The following ATP2C1 variants were observed in gnomAD, a reference collection of about 807,000 sequenced individuals.
ATP2C1 encodes the protein ATPase secretory pathway Ca2+ transporting 1, also known as calcium-transporting ATPase type 2C member 1.
A neutral mutation model predicts 120.5 loss-of-function variants in ATP2C1; 31 were observed. The ratio of observed to expected loss-of-function variants is 0.26; its 90% CI spans 0.19 to 0.35. The LOEUF (loss-of-function observed/expected upper bound fraction) is 0.35, where lower values mean the gene tolerates loss of function less well. Ranked by LOEUF, ATP2C1 falls within the 10% of genes least tolerant of loss-of-function variation. The probability of loss-of-function intolerance (pLI) is 1.00; values close to 1 mark genes in which losing one functional copy is unlikely to be tolerated. For synonymous variants in ATP2C1, 351 were observed against 358.7 expected (o/e 0.98, Z 0.24); for missense variants, 731 against 1,107.5 (o/e 0.66, Z 4.83).
chr3:130,883,749 A>C (rs1434328550), intron 1 of ATP2C1, among the ~76,000 whole-genome samples: 1 of 151,706 alleles, frequency 6.6e-6, no homozygotes, highest in Non-Finnish European at 1.5e-5. Context: ...GAGCTGCCGC[A>C]CCCAACCCTC....
At chr3:130,850,880 A>G in exon 1 of ATP2C1, 1 of 1,429,132 alleles carries the variant, frequency 7.0e-7, no homozygotes, top group Non-Finnish European at 9.1e-7. Context: ...CTCTCCATGC[A>G]ATTAGGAGAT....
intron 7 of ATP2C1, among the ~76,000 whole-genome samples, chr3:130,941,223 AGTGTGTGTGTGTGTGT>A (rs71774561): frequency 9.3e-4 from 135 of 144,426 alleles, no homozygotes; most frequent in African/African-American, 3.0e-3. Context: ...TGTATTTAAC[AGTGTGTGTGTGTGTGT>A]GTGTGTGTGT....
chr3:130,979,565 A>G (rs1055871459), intron 19 of ATP2C1, 146 bp downstream of exon 19: 3 of 921,330 alleles, frequency 3.3e-6, no homozygotes, highest in Admixed American at 2.5e-5. Flanking sequence ...CTCATGGTCT[A>G]TATAAAGTTG....
chr3:130,978,332 A>G (rs1168218144), intron 18 of ATP2C1, among the ~76,000 whole-genome samples: 1 of 151,928 alleles, frequency 6.6e-6, no homozygotes, highest in Non-Finnish European at 1.5e-5. Flanking sequence ...AAGAATGGAT[A>G]GTTTCTTTGG....
intron 17 of ATP2C1, among the ~76,000 whole-genome samples, chr3:130,972,649 A>T: frequency 8.3e-6 from 1 of 120,312 alleles, no homozygotes. Flanking sequence ...CAGTCCCCAG[A>T]GTGTTCTTCC....
At chr3:130,856,888 A>G (rs751472401) in intron 1 of ATP2C1, among the ~76,000 whole-genome samples, 1 of 152,250 alleles carries the variant, frequency 6.6e-6, no homozygotes, top group Non-Finnish European at 1.5e-5. Flanking sequence ...TGGAACAATA[A>G]GCATGTGGGA....
intron 5 of ATP2C1, among the ~76,000 whole-genome samples, chr3:130,937,089 T>G (rs1400710514): frequency 1.3e-5 from 2 of 152,222 alleles, no homozygotes; most frequent in East Asian, 3.8e-4. Flanking sequence ...ATTTTTTACA[T>G]GAGTTGATGA....
intron 20 of ATP2C1, 50 bp from the exon 21 acceptor site, chr3:130,992,901 T>G (rs2062420659): frequency 6.9e-7 from 1 of 1,445,736 alleles, no homozygotes; most frequent in Non-Finnish European, 9.7e-7. Context: ...TGGGTTATTC[T>G]GTAGAAATCT....
At chr3:130,862,832 C>T (rs995478507) in intron 1 of ATP2C1, among the ~76,000 whole-genome samples, 3 of 152,216 alleles carry the variant, frequency 2.0e-5, no homozygotes, top group African/African-American at 7.2e-5. Flanking sequence ...TTCTTTGAGC[C>T]AGATCCAAGA....
intron 14 of ATP2C1, among the ~76,000 whole-genome samples, chr3:130,965,769 G>A (rs16835460): frequency 0.12 from 18,743 of 151,898 alleles, 1,487 homozygotes; most frequent in East Asian, 0.39. Context: ...GTGGCCCTAT[G>A]TTATATGTTG....
At chr3:130,979,787 C>T (rs1311174292) in intron 19 of ATP2C1, among the ~76,000 whole-genome samples, 2 of 152,078 alleles carry the variant, frequency 1.3e-5, no homozygotes. Context: ...CAGACTTGTG[C>T]ATAATTTGGC....
rs1355551033 is a variant in ATP2C1, at chr3:130,970,796, GTC to G, written c.1413+1404_1413+1405del. On this transcript the variant is annotated intron_variant, in intron 17 of 27. Transcript: ENST00000510168. Reference sequence around the variant, plus strand: ...TTTTGCATGTGATACCTATGATTACGTCTCTATAGAAAACAGGAATGAAGGGA... The same window carrying G: ...TTTTGCATGTGATACCTATGATTACGTCTATAGAAAACAGGAATGAAGGGA... Among the ~76,000 whole-genome samples the G allele has an allele frequency of 2.0e-5, 3 of 151,978 alleles. No individual in the cohort carries two copies. The South Asian group carries it at 6.2e-4, about 32-fold the overall frequency.
At chr3:130,933,433 C>T (rs1444346334) in intron 4 of ATP2C1, among the ~76,000 whole-genome samples, 1 of 152,128 alleles carries the variant, frequency 6.6e-6, no homozygotes, top group Non-Finnish European at 1.5e-5. Context: ...CTTTAATGTA[C>T]ATTCTTAGTT....
At chr3:130,885,460 C>G (rs1445214777) in intron 1 of ATP2C1, among the ~76,000 whole-genome samples, 2 of 151,826 alleles carry the variant, frequency 1.3e-5, no homozygotes, top group African/African-American at 4.8e-5. Context: ...GTGATTTTCT[C>G]TGGTGGTATG....
chr3:131,001,719 A>G lies in ATP2C1; in HGVS notation c.*369A>G. ...TTTTTTTATTTTTAAATATTGTACT[A>G]TTTATGGTGGTGGGGCTTTCTTACT... On this transcript the variant is annotated 3_prime_UTR_variant, in exon 28 of 28. Coordinates refer to ENST00000510168, the MANE Select transcript of ATP2C1 (RefSeq NM_001378687.1). The G allele has an allele frequency of 1.0e-6, 1 of 971,408 alleles. No individual in the cohort carries two copies. Among genetic ancestry groups the G allele is most frequent in the Non-Finnish European group, 1.2e-6 (1 of 816,508 alleles). 60.2% of individuals were successfully genotyped at this position (971,408 alleles called of 1,614,324 possible). A position where few individuals can be genotyped will look rare whatever the true frequency, so the allele number is the denominator to read the frequency against.
intron 2 of ATP2C1, among the ~76,000 whole-genome samples, chr3:130,902,713 C>T (rs923002022): frequency 6.6e-6 from 1 of 151,618 alleles, no homozygotes; most frequent in Non-Finnish European, 1.5e-5. Context: ...CTAACTAGAC[C>T]CCCCCCGAAG....
chr3:130,882,951 G>T (rs1450362475), intron 1 of ATP2C1, among the ~76,000 whole-genome samples: 9 of 152,144 alleles, frequency 5.9e-5, no homozygotes, highest in Non-Finnish European at 1.2e-4. Flanking sequence ...ATGTTTGGTA[G>T]AATTCAGCAG....
intron 20 of ATP2C1, among the ~76,000 whole-genome samples, chr3:130,992,167 A>G (rs796979275): frequency 1.1e-4 from 17 of 152,304 alleles, no homozygotes; most frequent in African/African-American, 3.9e-4. Flanking sequence ...TGAAGGGAGA[A>G]TAGCGGATAC....
chr3:130,969,456 T>A, intron 17 of ATP2C1, 60 bp downstream of exon 17: 1 of 1,330,280 alleles, frequency 7.5e-7, no homozygotes. Flanking sequence ...ATTTTTTCAT[T>A]TACTGTCCAC....
Sources: gnomAD v4.1 joint callset for allele counts (sites outside exome capture counted in the v4.1 genomes callset) on GRCh38, gnomAD v4.1.1 for gene constraint, MANE v1.5 for transcripts, NCBI Gene and HGNC (gene_info 2026-07-23, HGNC 2026-07-21) for gene names.